ZNF804A: variants seen among roughly 807,000 people sequenced by gnomAD.
The protein encoded by ZNF804A is zinc finger protein 804A.
A neutral mutation model predicts 16.5 loss-of-function variants in ZNF804A; 2 were observed. The observed-to-expected ratio is 0.12, with a 90% CI of 0.05 to 0.38. The LOEUF is 0.38. Among genes scored for constraint, ZNF804A ranks in the 10% least tolerant of loss-of-function variants. The probability of loss-of-function intolerance (pLI) is 0.99; values close to 1 mark genes in which losing one functional copy is unlikely to be tolerated. For missense variants in ZNF804A, 1,473 were observed against 1,390.7 expected (o/e 1.06, Z -0.94); for synonymous variants, 534 against 489.6 (o/e 1.09, Z -1.20).
At chr2:184,702,723 A>G (rs1692940906) in intron 1 of ZNF804A, among the ~76,000 whole-genome samples, 1 of 152,146 alleles carries the variant, frequency 6.6e-6, no homozygotes, top group Admixed American at 6.5e-5. Context: ...CACTGAATGG[A>G]GAAATTCAGG....
chr2:184,689,697 T>A (rs1692698955), intron 1 of ZNF804A, among the ~76,000 whole-genome samples: 4 of 152,150 alleles, frequency 2.6e-5, no homozygotes, highest in African/African-American at 9.6e-5. Context: ...GACACAACAT[T>A]TTTAGCTCTT....
intron 1 of ZNF804A, among the ~76,000 whole-genome samples, chr2:184,741,185 A>G (rs889487183): frequency 2.0e-5 from 3 of 152,182 alleles, no homozygotes; most frequent in Non-Finnish European, 4.4e-5. Context: ...CACTGAAAGC[A>G]GGTATACTGA....
rs1438894921 is a variant in ZNF804A at position 184,936,325 on chromosome 2, C to T, written c.929C>T (p.Ser310Leu). The T allele has an allele frequency of 6.2e-7, 1 of 1,613,706 alleles. No individual in the cohort carries two copies. Among genetic ancestry groups the T allele is most frequent in the Non-Finnish European group, 8.5e-7 (1 of 1,179,812 alleles). ...SSEKDALLLP[S>L]FCKFQLQLSS... ...GAAAAAGATGCATTATTATTACCTT[C>T]ATTTTGCAAGTTTCAACTTCAGTTA... Residue 310 changes from serine (S) to leucine (L), a missense_variant, in exon 4 of 4, where the codon TCA (serine) becomes TTA (leucine). Physicochemically the swap from Ser to Leu is moderately radical, Grantham distance 145. Transcript: ENST00000302277.
chr2:184,736,858 C>CTTTT (rs1013724436), intron 1 of ZNF804A, among the ~76,000 whole-genome samples: 1 of 131,176 alleles, frequency 7.6e-6, no homozygotes, highest in African/African-American at 2.7e-5. Flanking sequence ...CGTATTTCTT[C>CTTTT]TTTTTTTTTT....
In ZNF804A at chr2:184,935,994, G is replaced by A; in HGVS notation, c.598G>A (p.Val200Ile). 2 of 1,613,994 alleles carry A rather than the reference G, an allele frequency of 1.2e-6. No homozygotes were observed. Among genetic ancestry groups the A allele is most frequent in the Non-Finnish European group, 1.7e-6 (2 of 1,179,946 alleles). ...TAATTATACAGCAAAAAATAACCAA[G>A]TTGGGGATCAAGCCCAGGGGATTCA... ...ANNYTAKNNQVGDQAQGIHRH... is the reference protein window; with the variant it reads ...ANNYTAKNNQIGDQAQGIHRH... The change falls in exon 4 of 4, where the codon GTT (valine) becomes ATT (isoleucine). Residue 200 changes from valine (V) to isoleucine (I), a missense_variant. Physicochemically the swap from Val to Ile is conservative, Grantham distance 29. Transcript: ENST00000302277.
chr2:184,707,798 G>A (rs1693055712), intron 1 of ZNF804A, among the ~76,000 whole-genome samples: 1 of 152,038 alleles, frequency 6.6e-6, no homozygotes, highest in Non-Finnish European at 1.5e-5. Flanking sequence ...TTTTCTTTTG[G>A]ATATATACCC....
chr2:184,847,181 A>C (rs1695532988), intron 1 of ZNF804A, among the ~76,000 whole-genome samples: 1 of 152,114 alleles, frequency 6.6e-6, no homozygotes, highest in African/African-American at 2.4e-5. Context: ...TCGCCAGAGG[A>C]ATCTATAGAG....
In ZNF804A at chr2:184,838,357, C is replaced by T. The variant is rs1210102453; in HGVS notation, c.112-28012C>T. On this transcript the variant is annotated intron_variant, in intron 1 of 3. Coordinates refer to ENST00000302277, the MANE Select transcript of ZNF804A (RefSeq NM_194250.2). ...AGGTTAAACTGTCTGTGCCTCAGTGCACTCATATCTAAAATGACAACAATA... is the reference window on the plus strand; with the variant it reads ...AGGTTAAACTGTCTGTGCCTCAGTGTACTCATATCTAAAATGACAACAATA... 2.6e-5 allele frequency among the ~76,000 whole-genome samples: 4 copies of T among 152,096 alleles called. No individual in the cohort carries two copies. In the East Asian group the frequency reaches 7.7e-4, roughly 29 times the overall value.
chr2:184,686,811 C>T (rs541526393), intron 1 of ZNF804A, among the ~76,000 whole-genome samples: 33 of 152,264 alleles, frequency 2.2e-4, no homozygotes, highest in African/African-American at 7.7e-4. Flanking sequence ...AATGTTTTGT[C>T]ATACATTTGT....
intron 1 of ZNF804A, among the ~76,000 whole-genome samples, chr2:184,767,788 T>C (rs1282851580): frequency 6.6e-6 from 1 of 152,084 alleles, no homozygotes; most frequent in Non-Finnish European, 1.5e-5. Flanking sequence ...TCTACCTTCT[T>C]AAAAAGTTCA....
chr2:184,936,315 T>G lies in ZNF804A; in HGVS notation c.919T>G (p.Leu307Val). The change falls in exon 4 of 4, where the codon TTA becomes GTA. Residue 307 changes from leucine (L) to valine (V), a missense_variant. Leu to Val is a conservative substitution (Grantham distance 32, BLOSUM62 1). Coordinates refer to ENST00000302277, the MANE Select transcript of ZNF804A (RefSeq NM_194250.2). ...AGTCTCTAGTGAAAAAGATGCATTA[T>G]TATTACCTTCATTTTGCAAGTTTCA... ...KEVSSEKDAL[L>V]LPSFCKFQLQ... 6.2e-7 allele frequency: 1 copy of G among 1,613,816 alleles called. No individual in the cohort carries two copies. Among genetic ancestry groups the G allele is most frequent in the Non-Finnish European group, 8.5e-7 (1 of 1,179,854 alleles).
At chr2:184,657,385 T>A (rs565571494) in intron 1 of ZNF804A, among the ~76,000 whole-genome samples, 74 of 152,280 alleles carry the variant, frequency 4.9e-4, no homozygotes, top group African/African-American at 1.7e-3. Flanking sequence ...CAGCACCTGA[T>A]GTTGCCTATG....
intron 1 of ZNF804A, among the ~76,000 whole-genome samples, chr2:184,678,858 G>A (rs977503795): frequency 7.9e-5 from 12 of 152,114 alleles, no homozygotes; most frequent in African/African-American, 2.9e-4. Context: ...GTGATATTCA[G>A]GAGAATGCAG....
At chr2:184,699,966 C>T (rs1172794386) in intron 1 of ZNF804A, among the ~76,000 whole-genome samples, 2 of 152,026 alleles carry the variant, frequency 1.3e-5, no homozygotes, top group Non-Finnish European at 2.9e-5. Flanking sequence ...AAAAACTATA[C>T]TACCCTGCCT....
At chr2:184,890,246 A>G (rs1684959802) in intron 2 of ZNF804A, among the ~76,000 whole-genome samples, 4 of 152,178 alleles carry the variant, frequency 2.6e-5, no homozygotes, top group Admixed American at 2.6e-4. Context: ...TTCAACAAAA[A>G]TATTTGCTAA....
intron 1 of ZNF804A, among the ~76,000 whole-genome samples, chr2:184,759,395 T>C (rs1000690269): frequency 1.7e-4 from 26 of 151,728 alleles, no homozygotes; most frequent in African/African-American, 6.3e-4. Context: ...TACATCATTA[T>C]GAACTGTATT....
chr2:184,708,843 G>A (rs544274468), intron 1 of ZNF804A, among the ~76,000 whole-genome samples: 1 of 152,018 alleles, frequency 6.6e-6, no homozygotes, highest in African/African-American at 2.4e-5. Flanking sequence ...AACATCTCAA[G>A]GATTTCCCAC....
At chr2:184,674,361 G>A (rs1692387035) in intron 1 of ZNF804A, among the ~76,000 whole-genome samples, 1 of 151,730 alleles carries the variant, frequency 6.6e-6, no homozygotes, top group East Asian at 1.9e-4. Context: ...TTGCTTACAA[G>A]GACTAGAAGA....
In ZNF804A at chr2:184,937,240, A is replaced by G; in HGVS notation, c.1844A>G (p.Glu615Gly). The G allele has an allele frequency of 6.2e-7, 1 of 1,611,044 alleles. No individual in the cohort carries two copies. Among genetic ancestry groups the G allele is most frequent in the South Asian group, 1.1e-5 (1 of 90,502 alleles). ...CATATGGAGAAAACCAAAGAATCAG[A>G]AACTCGCTGCAAAATGGAAGCAGAG... Reference protein sequence around the residue: ...HHHMEKTKESETRCKMEAENS... With the variant: ...HHHMEKTKESGTRCKMEAENS... Residue 615 changes from glutamate (E) to glycine (G), a missense_variant, in exon 4 of 4, where the codon GAA becomes GGA. Physicochemically the swap from Glu to Gly is moderately conservative, Grantham distance 98. Coordinates refer to ENST00000302277, the MANE Select transcript of ZNF804A (RefSeq NM_194250.2).
Sources: allele counts gnomAD v4.1 joint callset (sites outside exome capture counted in the v4.1 genomes callset), GRCh38; gene constraint gnomAD v4.1.1; transcripts MANE v1.5; gene names NCBI Gene and HGNC (gene_info 2026-07-23, HGNC 2026-07-21).